CENPP: variants seen among roughly 807,000 people sequenced by gnomAD.
CENPP encodes the protein centromere protein P.
CENPP carries 24 observed loss-of-function variants against 35.6 expected under a neutral mutation model. The observed-to-expected ratio is 0.67, with a 90% CI of 0.49 to 0.95. The LOEUF (loss-of-function observed/expected upper bound fraction) is 0.95, where lower values mean the gene tolerates loss of function less well. CENPP is among the 40% of genes least tolerant of loss of function. The probability of loss-of-function intolerance (pLI) is 0.00; values close to 1 mark genes in which losing one functional copy is unlikely to be tolerated. For missense variants in CENPP, 332 were observed against 345.3 expected, an observed-to-expected ratio of 0.96 and a Z score of 0.31; for synonymous variants, 120 against 125.5, an observed-to-expected ratio of 0.96 and a Z score of 0.29.
intron 5 of CENPP, among the ~76,000 whole-genome samples, chr9:92,441,862 G>A (rs1350090364): frequency 1.3e-5 from 2 of 152,124 alleles, no homozygotes; most frequent in Non-Finnish European, 2.9e-5. Context: ...TTTAAAAATT[G>A]TGGAACAGTT....
chr9:92,618,242 A>G lies in CENPP; in HGVS notation c.*5093A>G. ...AGAGTGCTTTGTGCAGGATGGTTCCAGTGCCTACACCCTAGGTCTGAGAAG... is the reference window on the plus strand; with the variant it reads ...AGAGTGCTTTGTGCAGGATGGTTCCGGTGCCTACACCCTAGGTCTGAGAAG... On this transcript the variant is annotated 3_prime_UTR_variant, in exon 8 of 8. Coordinates refer to ENST00000375587, the MANE Select transcript of CENPP (RefSeq NM_001012267.3). 2.2e-6 allele frequency: 1 copy of G among 456,644 alleles called. No homozygotes were observed. Among genetic ancestry groups the G allele is most frequent in the Non-Finnish European group, 4.4e-6 (1 of 226,946 alleles). 28.3% of individuals were successfully genotyped at this position (456,644 alleles called of 1,614,324 possible).
intron 5 of CENPP, among the ~76,000 whole-genome samples, chr9:92,485,886 G>A (rs1846044118): frequency 6.6e-6 from 1 of 152,198 alleles, no homozygotes; most frequent in Non-Finnish European, 1.5e-5. Context: ...CATGTGTCAG[G>A]AGTATATTGT....
chr9:92,552,801 C>T (rs1454574689), intron 5 of CENPP, among the ~76,000 whole-genome samples: 2 of 152,170 alleles, frequency 1.3e-5, no homozygotes, highest in Admixed American at 1.3e-4. Flanking sequence ...TGTCTGTTTA[C>T]TCTGCTGACT....
chr9:92,371,112 A>G (rs1196603197), intron 4 of CENPP, among the ~76,000 whole-genome samples: 1 of 151,860 alleles, frequency 6.6e-6, no homozygotes, highest in Non-Finnish European at 1.5e-5. Flanking sequence ...TATCTATTTC[A>G]TTTAGTTCTG....
In CENPP at chr9:92,611,188, A is replaced by T. The variant is rs991585523; in HGVS notation, c.565-126A>T. On this transcript the variant is annotated intron_variant, in intron 5 of 7. Transcript: ENST00000375587. ...AGGGCAAGAGGGGCGGTTGGCACCC[A>T]TGGATGCTGCGCAAACACTCGGACC... 3.7e-5 allele frequency: 28 copies of T among 749,734 alleles called. No individual in the cohort carries two copies. The African/African-American group carries it at 3.9e-4, about 11-fold the overall frequency. 46.4% of individuals were successfully genotyped at this position (749,734 alleles called of 1,614,324 possible).
chr9:92,475,540 A>G (rs1386094285), intron 5 of CENPP, among the ~76,000 whole-genome samples: 2 of 152,214 alleles, frequency 1.3e-5, no homozygotes, highest in Non-Finnish European at 2.9e-5. Context: ...GCTAATAAAC[A>G]TCGTAAAAAC....
intron 5 of CENPP, among the ~76,000 whole-genome samples, chr9:92,391,991 A>G (rs1188801011): frequency 6.6e-6 from 1 of 151,860 alleles, no homozygotes; most frequent in Non-Finnish European, 1.5e-5. Flanking sequence ...ATAAATGTGT[A>G]GCGGGGCTAG....
chr9:92,602,851 C>T (rs1460286710), intron 5 of CENPP, among the ~76,000 whole-genome samples: 25 of 136,086 alleles, frequency 1.8e-4, no homozygotes, highest in African/African-American at 5.0e-4. Flanking sequence ...TTTTTTTTGG[C>T]GCAATTTCGG....
chr9:92,420,347 C>T (rs1588118087), intron 5 of CENPP, among the ~76,000 whole-genome samples: 1 of 152,218 alleles, frequency 6.6e-6, no homozygotes, highest in African/African-American at 2.4e-5. Context: ...TATCGTTGCT[C>T]TTTTGCACAT....
At chr9:92,505,718 T>C in intron 5 of CENPP, 1 of 1,512,624 alleles carries the variant, frequency 6.6e-7, no homozygotes, top group Non-Finnish European at 8.9e-7. Context: ...ATTAGAATAT[T>C]AGGATAATTG....
chr9:92,388,010 C>T (rs111236820), intron 5 of CENPP, among the ~76,000 whole-genome samples: 31 of 151,494 alleles, frequency 2.0e-4, no homozygotes, highest in African/African-American at 5.8e-4. Context: ...GCAATCTGCC[C>T]GCCTTGGCCT....
At chr9:92,578,323 G>A (rs192971411) in intron 5 of CENPP, among the ~76,000 whole-genome samples, 3,121 of 152,188 alleles carry the variant, frequency 0.021, 113 homozygotes, top group African/African-American at 0.071. Context: ...CCAGTAATGC[G>A]ATGGCTGGGT....
chr9:92,584,760 A>G (rs551350056), intron 5 of CENPP, among the ~76,000 whole-genome samples: 32 of 152,310 alleles, frequency 2.1e-4, no homozygotes, highest in African/African-American at 7.7e-4. Context: ...ACATCTATAT[A>G]AAAATTTCCC....
chr9:92,411,370 C>T (rs183953379), intron 5 of CENPP, among the ~76,000 whole-genome samples: 27 of 152,292 alleles, frequency 1.8e-4, no homozygotes, highest in African/African-American at 6.5e-4. Flanking sequence ...TGTCATTTCA[C>T]TGCAATGTCC....
chr9:92,351,735 C>G (rs1841450761), intron 4 of CENPP, among the ~76,000 whole-genome samples: 1 of 151,982 alleles, frequency 6.6e-6, no homozygotes, highest in African/African-American at 2.4e-5. Flanking sequence ...AGGGATTCTC[C>G]TGCCTCAGCC....
chr9:92,529,975 T>A (rs1475158745), intron 5 of CENPP, among the ~76,000 whole-genome samples: 5 of 152,214 alleles, frequency 3.3e-5, no homozygotes, highest in Admixed American at 3.3e-4. Context: ...CTTTTTTTTC[T>A]TGTCATTGTC....
chr9:92,506,968 C>G (rs536628922), intron 5 of CENPP, among the ~76,000 whole-genome samples: 32 of 152,110 alleles, frequency 2.1e-4, no homozygotes, highest in African/African-American at 7.7e-4. Context: ...AGTGCAATAG[C>G]GTGGTCTTGG....
At chr9:92,496,427 T>C in intron 5 of CENPP, 1 of 1,609,578 alleles carries the variant, frequency 6.2e-7, no homozygotes, top group Non-Finnish European at 8.5e-7. Context: ...ATGAAGATGT[T>C]CCAGATTTGA....
At chr9:92,508,263 G>A (rs1847124793) in intron 5 of CENPP, among the ~76,000 whole-genome samples, 2 of 152,216 alleles carry the variant, frequency 1.3e-5, no homozygotes, top group Admixed American at 6.5e-5. Context: ...GGGGGTATCT[G>A]AGCCGGAGGA....
Sources: allele counts gnomAD v4.1 joint callset (sites outside exome capture counted in the v4.1 genomes callset), GRCh38; gene constraint gnomAD v4.1.1; transcripts MANE v1.5; gene names NCBI Gene and HGNC (gene_info 2026-07-23, HGNC 2026-07-21).